Variants in PPWD1 observed in about 807,000 individuals in gnomAD.
The protein encoded by PPWD1 is peptidylprolyl isomerase domain and WD repeat containing 1, also known as peptidylprolyl isomerase domain and WD repeat-containing protein 1.
PPWD1 carries 43 observed loss-of-function variants against 68.8 expected under a neutral mutation model. That is an observed-to-expected ratio of 0.62 (90% CI 0.49 to 0.81). The LOEUF (loss-of-function observed/expected upper bound fraction) is 0.81, where lower values mean the gene tolerates loss of function less well. PPWD1 is among the 30% of genes least tolerant of loss of function. The pLI is 0.00. For missense variants in PPWD1, 672 were observed against 804.8 expected (o/e 0.83, Z 2.00); for synonymous variants, 232 against 258.7 (o/e 0.90, Z 0.99).
chr5:65,584,285 C>A lies in PPWD1; in HGVS notation c.1533-729C>A, dbSNP rs533378566. Among the ~76,000 whole-genome samples, 4 of 152,250 alleles carry A rather than the reference C, an allele frequency of 2.6e-5. No individual in the cohort carries two copies. The East Asian group carries it at 7.7e-4, about 29-fold the overall frequency. ...CTGATGTACTTGGGTACAAGATTCT[C>A]TTGGTTCGTCCATTTCCAGCTCTTA... On this transcript the variant is annotated intron_variant, in intron 8 of 10. Transcript: ENST00000261308.
rs190381486 is a variant in PPWD1, at chr5:65,570,030, C to T, written c.521+32C>T. 1.9e-3 allele frequency: 2,866 copies of T among 1,546,928 alleles called. 43 individuals are homozygous for T. In the African/African-American group the frequency reaches 0.036, roughly 19 times the overall value. ...CTTTTTAAAAGTATATATATTTTAA[C>T]TTATTGAAGTAATTTGTAAATCAGA... On this transcript the variant is annotated intron_variant, in intron 4 of 10. Transcript: ENST00000261308.
chr5:65,580,148 C>T (rs935555828), intron 7 of PPWD1, among the ~76,000 whole-genome samples: 2 of 152,138 alleles, frequency 1.3e-5, no homozygotes, highest in East Asian at 1.9e-4. Flanking sequence ...ATCAAACTAC[C>T]GTGCCATGAA....
intron 10 of PPWD1, among the ~76,000 whole-genome samples, chr5:65,586,823 G>C (rs1753871966): frequency 1.3e-5 from 2 of 152,074 alleles, no homozygotes; most frequent in African/African-American, 4.8e-5. Context: ...CTTGCCAAAA[G>C]GTCAAGTAGC....
chr5:65,586,060 G>A lies in PPWD1; in HGVS notation c.1676G>A (p.Gly559Glu). ...GTGMGGESIW[G>E]GEFEDEFHST... ...GGTATGGGAGGAGAAAGCATATGGGGAGGAGAATTTGAAGATGAATTTCAT... is the reference window on the plus strand; with the variant it reads ...GGTATGGGAGGAGAAAGCATATGGGAAGGAGAATTTGAAGATGAATTTCAT... The change falls in exon 10 of 11, where the codon GGA becomes GAA. Residue 559 changes from glycine (G) to glutamate (E), a missense_variant. Gly to Glu is a moderately conservative substitution (Grantham distance 98). Coordinates refer to ENST00000261308, the MANE Select transcript of PPWD1 (RefSeq NM_015342.4). The A allele has an allele frequency of 6.2e-6, 10 of 1,613,714 alleles. No homozygotes were observed. The highest frequency in any genetic ancestry group is 8.5e-6 in the Non-Finnish European group (10 of 1,179,692).
intron 8 of PPWD1, among the ~76,000 whole-genome samples, chr5:65,584,293 G>A (rs770443630): frequency 9.9e-5 from 15 of 152,048 alleles, no homozygotes; most frequent in Admixed American, 9.2e-4. Flanking sequence ...CTCTTGGTTC[G>A]TCCATTTCCA....
intron 9 of PPWD1, among the ~76,000 whole-genome samples, chr5:65,585,429 T>C (rs574486741): frequency 1.1e-4 from 17 of 152,264 alleles, no homozygotes; most frequent in Non-Finnish European, 1.6e-4. Flanking sequence ...CTAGAAGATA[T>C]GATTTTTCAA....
At chr5:65,565,607 G>A (rs1298428676) in intron 1 of PPWD1, among the ~76,000 whole-genome samples, 1 of 151,774 alleles carries the variant, frequency 6.6e-6, no homozygotes, top group East Asian at 1.9e-4. Flanking sequence ...TTCTAGACCA[G>A]CCTGACCAAC....
chr5:65,581,891 A>G (rs974801563), intron 7 of PPWD1, among the ~76,000 whole-genome samples: 1 of 152,228 alleles, frequency 6.6e-6, no homozygotes, highest in Non-Finnish European at 1.5e-5. Flanking sequence ...CAGATCCAAC[A>G]TGAAATAAAA....
chr5:65,573,515 G>GT, intron 5 of PPWD1, among the ~76,000 whole-genome samples: 1 of 15,408 alleles, frequency 6.5e-5, no homozygotes, highest in Admixed American at 7.0e-4. Flanking sequence ...TAGTACAGAT[G>GT]GTTTTTTTTT....
intron 7 of PPWD1, among the ~76,000 whole-genome samples, chr5:65,580,319 C>T (rs774668287): frequency 3.3e-5 from 5 of 152,204 alleles, no homozygotes; most frequent in African/African-American, 4.8e-5. Context: ...CCCCAGCTAT[C>T]TATGCTGGCT....
Position 65,571,964 on chromosome 5 carries a change from A to T in PPWD1, c.647A>T (p.His216Leu), listed in dbSNP as rs1334523921. 6.2e-7 allele frequency: 1 copy of T among 1,614,046 alleles called. No individual in the cohort carries two copies. Among genetic ancestry groups the T allele is most frequent in the South Asian group, 1.1e-5 (1 of 91,074 alleles). ...GGCCGAGGAGATAACCAGCCACTTCATATTTTTGACAAACTCCATACATCA... is the reference window on the plus strand; with the variant it reads ...GGCCGAGGAGATAACCAGCCACTTCTTATTTTTGACAAACTCCATACATCA... ...YDGRGDNQPL[H>L]IFDKLHTSPL... Residue 216 changes from histidine to leucine, a missense_variant, in exon 5 of 11, where the codon CAT becomes CTT. This residue lies in a region of PPWD1 where 484 missense variants were observed against 646.2 expected (regional missense o/e 0.75). Transcript: ENST00000261308.
chr5:65,566,986 T>TA (rs1752805933), intron 1 of PPWD1, among the ~76,000 whole-genome samples: 1 of 152,090 alleles, frequency 6.6e-6, no homozygotes, highest in African/African-American at 2.4e-5. Flanking sequence ...TTCTCAGGCA[T>TA]AAAAATCTAA....
rs143925012 is a variant in PPWD1 at position 65,574,534 on chromosome 5, G to A, written c.969+2248G>A. On this transcript the variant is annotated intron_variant, in intron 5 of 10. Coordinates refer to ENST00000261308, the MANE Select transcript of PPWD1 (RefSeq NM_015342.4). ...TGCGGACTGTAGTGGCTCAATCGCGGCTCACTGCAAGCTCCGCTTCCCGGG... is the reference window on the plus strand; with the variant it reads ...TGCGGACTGTAGTGGCTCAATCGCGACTCACTGCAAGCTCCGCTTCCCGGG... Among the ~76,000 whole-genome samples, 538 of 144,090 alleles carry A rather than the reference G, an allele frequency of 3.7e-3. 3 individuals are homozygous for A. Among genetic ancestry groups the A allele is most frequent in the African/African-American group, 0.013 (507 of 38,586 alleles). 94.5% of individuals were successfully genotyped at this position (144,090 alleles called of 152,430 possible). A position where few individuals can be genotyped will look rare whatever the true frequency, so the allele number is the denominator to read the frequency against.
rs756000376 is a variant in PPWD1, at chr5:65,583,117, A to T, written c.1430A>T (p.Glu477Val). 1.9e-6 allele frequency: 3 copies of T among 1,613,592 alleles called. No homozygotes were observed. The highest frequency in any genetic ancestry group is 1.7e-6 in the Non-Finnish European group (2 of 1,179,796). The part of the protein sequence containing the change: ...DVFNEKPSKE[E>V]VMAATQAEGP... The stretch of plus-strand genomic sequence containing the variant: ...TTTAATGAGAAACCTTCTAAAGAAG[A>T]AGTCATGGCAGCTACTCAAGCTGAA... The change falls in exon 8 of 11, where the codon GAA becomes GTA. Residue 477 changes from glutamate to valine, a missense_variant. Physicochemically the swap from Glu to Val is moderately radical, Grantham distance 121. This residue lies in a region of PPWD1 where 484 missense variants were observed against 646.2 expected (regional missense o/e 0.75). Transcript: ENST00000261308.
intron 10 of PPWD1, among the ~76,000 whole-genome samples, chr5:65,586,671 G>C (rs1427675466): frequency 6.6e-6 from 1 of 152,052 alleles, no homozygotes; most frequent in Non-Finnish European, 1.5e-5. Context: ...TTTTGTTTTG[G>C]AATTAAGCAC....
chr5:65,583,054 C>G lies in PPWD1; in HGVS notation c.1367C>G (p.Pro456Arg), dbSNP rs1753665738. The G allele has an allele frequency of 1.3e-6, 2 of 1,588,706 alleles. No homozygotes were observed. The highest frequency in any genetic ancestry group is 2.3e-5 in the East Asian group (1 of 44,270). The change falls in exon 8 of 11, where the codon CCA (proline) becomes CGA (arginine). Residue 456 changes from proline to arginine, a missense_variant. By Grantham distance (103) the Pro-to-Arg change is moderately radical. Coordinates refer to ENST00000261308, the MANE Select transcript of PPWD1 (RefSeq NM_015342.4). ...CTCCTTGAGTTTACCAAACGAGAACCAGAAGATACGAAAAGTGCAGATTCT... is the reference window on the plus strand; with the variant it reads ...CTCCTTGAGTTTACCAAACGAGAACGAGAAGATACGAAAAGTGCAGATTCT... ...NRFYMFTKRE[P>R]EDTKSADSDR... is the part of the protein sequence containing the mutation.
chr5:65,567,318 G>C, intron 1 of PPWD1, 195 bp from the exon 2 acceptor site: 2 of 504,606 alleles, frequency 4.0e-6, no homozygotes, highest in Non-Finnish European at 5.1e-6. Context: ...AAATAATGAC[G>C]CTATTCAGTG....
chr5:65,568,726 G>A (rs994465224), intron 2 of PPWD1, among the ~76,000 whole-genome samples: 1 of 151,942 alleles, frequency 6.6e-6, no homozygotes, highest in Non-Finnish European at 1.5e-5. Context: ...TTGATGTCTT[G>A]AAGACAAATT....
chr5:65,574,089 C>T (rs1753162456), intron 5 of PPWD1, among the ~76,000 whole-genome samples: 1 of 152,180 alleles, frequency 6.6e-6, no homozygotes, highest in South Asian at 2.1e-4. Context: ...GCATTGGATT[C>T]CCTGCTGTAA....
Sources: allele counts gnomAD v4.1 joint callset (sites outside exome capture counted in the v4.1 genomes callset), GRCh38; gene constraint gnomAD v4.1.1; regional missense constraint gnomAD v4.1.1; transcripts MANE v1.5; gene names NCBI Gene and HGNC (gene_info 2026-07-23, HGNC 2026-07-21).